Variants in SGSM1 observed in about 807,000 individuals in gnomAD.
SGSM1 encodes RUN and TBC1 domain containing 2.
A neutral mutation model predicts 133.8 loss-of-function variants in SGSM1; 73 were observed. The observed-to-expected ratio is 0.55, with a 90% CI of 0.45 to 0.66. The LOEUF is 0.66. Ranked by LOEUF, SGSM1 falls within the 30% of genes least tolerant of loss-of-function variation. SGSM1 has a pLI of 0.00. For missense variants in SGSM1, 1,213 were observed against 1,448.1 expected (o/e 0.84, Z 2.64); for synonymous variants, 563 against 573.0 (o/e 0.98, Z 0.25).
At position 24,850,168 on chromosome 22, in the gene SGSM1, A is replaced by G. The variant is rs1027003671; in HGVS notation, c.303-112A>G. The G allele has an allele frequency of 5.3e-6, 6 of 1,136,382 alleles. No homozygotes were observed. In the African/African-American group the frequency reaches 7.9e-5, roughly 15 times the overall value. 70.4% of individuals were successfully genotyped at this position (1,136,382 alleles called of 1,614,324 possible). Reference sequence around the variant, plus strand: ...GCGGCAATATGGGCTCTTCTTGTTTAGCTGCCATTCCTTCATTTTCCTGAG... The same window carrying G: ...GCGGCAATATGGGCTCTTCTTGTTTGGCTGCCATTCCTTCATTTTCCTGAG... On this transcript the variant is annotated intron_variant, in intron 4 of 24. Coordinates refer to ENST00000400358, the MANE Select transcript of SGSM1 (RefSeq NM_001098497.3).
At chr22:24,906,290 C>A (rs1223495723) in intron 21 of SGSM1, among the ~76,000 whole-genome samples, 1 of 152,172 alleles carries the variant, frequency 6.6e-6, no homozygotes, top group African/African-American at 2.4e-5. Flanking sequence ...GGAAACCTCA[C>A]AAATATCATC....
At chr22:24,811,572 T>C (rs1927744371) in intron 2 of SGSM1, among the ~76,000 whole-genome samples, 1 of 152,036 alleles carries the variant, frequency 6.6e-6, no homozygotes, top group African/African-American at 2.4e-5. Context: ...TGTAATAACA[T>C]TAGCAATTCC....
At chr22:24,862,351 C>T (rs1245516890) in intron 9 of SGSM1, among the ~76,000 whole-genome samples, 1 of 152,116 alleles carries the variant, frequency 6.6e-6, no homozygotes, top group Non-Finnish European at 1.5e-5. Flanking sequence ...TGGTCTAAAG[C>T]CTTCTTTGAC....
chr22:24,856,175 C>G, intron 8 of SGSM1: 1 of 341,196 alleles, frequency 2.9e-6, no homozygotes, highest in Non-Finnish European at 5.8e-6. Flanking sequence ...TTCCATGGAC[C>G]TGCTATGTGC....
At chr22:24,913,867 A>G (rs1224655635) in intron 22 of SGSM1, among the ~76,000 whole-genome samples, 2 of 151,840 alleles carry the variant, frequency 1.3e-5, no homozygotes, top group Non-Finnish European at 2.9e-5. Context: ...CTAAAAATAC[A>G]AACATTGGCC....
intron 2 of SGSM1, among the ~76,000 whole-genome samples, chr22:24,817,441 C>T (rs1219247261): frequency 1.3e-5 from 2 of 151,992 alleles, no homozygotes; most frequent in Non-Finnish European, 2.9e-5. Context: ...CAACCTCCGC[C>T]TCCTGGGTTC....
chr22:24,845,122 G>C, intron 3 of SGSM1, 150 bp downstream of exon 3: 1 of 718,914 alleles, frequency 1.4e-6, no homozygotes, highest in Non-Finnish European at 2.3e-6. Context: ...ATACAGAACA[G>C]TGTAGAGAAA....
intron 2 of SGSM1, among the ~76,000 whole-genome samples, chr22:24,832,058 G>C (rs1216902299): frequency 6.6e-6 from 1 of 152,208 alleles, no homozygotes; most frequent in Non-Finnish European, 1.5e-5. Flanking sequence ...CTCAGCCCGT[G>C]GCTGTCTTGG....
At chr22:24,857,349 A>G (rs1005697229) in intron 8 of SGSM1, among the ~76,000 whole-genome samples, 1 of 148,972 alleles carries the variant, frequency 6.7e-6, no homozygotes, top group Non-Finnish European at 1.5e-5. Flanking sequence ...TGGAGGCTGC[A>G]GTAAGCCAAG....
At position 24,817,434 on chromosome 22, in the gene SGSM1, C is replaced by G. The variant is rs184019015; in HGVS notation, c.63+10950C>G. Among the ~76,000 whole-genome samples, 613 of 151,850 alleles carry G rather than the reference C, an allele frequency of 4.0e-3. 3 individuals are homozygous for G. The highest frequency in any genetic ancestry group is 0.014 in the African/African-American group (590 of 41,418). On this transcript the variant is annotated intron_variant, in intron 2 of 24. Coordinates refer to ENST00000400358, the MANE Select transcript of SGSM1 (RefSeq NM_001098497.3). ...GTGGCGCCATCTCGGCTCCCTGCAACCTCCGCCTCCTGGGTTCAAGCGATT... is the reference window on the plus strand; with the variant it reads ...GTGGCGCCATCTCGGCTCCCTGCAAGCTCCGCCTCCTGGGTTCAAGCGATT...
intron 2 of SGSM1, among the ~76,000 whole-genome samples, chr22:24,809,287 C>T (rs938086306): frequency 1.1e-4 from 16 of 152,232 alleles, no homozygotes; most frequent in African/African-American, 3.6e-4. Context: ...TCTCCCTCCT[C>T]CCCACTCTCT....
intron 21 of SGSM1, 34 bp from the exon 22 acceptor site, chr22:24,912,609 C>T (rs764133420): frequency 1.1e-5 from 15 of 1,401,716 alleles, no homozygotes; most frequent in East Asian, 2.3e-5. Context: ...ACTTGGGCAG[C>T]GGGGCATCTG....
intron 2 of SGSM1, among the ~76,000 whole-genome samples, chr22:24,820,492 C>T (rs1928405300): frequency 6.6e-6 from 1 of 152,290 alleles, no homozygotes; most frequent in Admixed American, 6.5e-5. Context: ...ATGTTTAGGG[C>T]AGGTTATGCG....
At chr22:24,922,564 C>T (rs1421565660) in intron 24 of SGSM1, among the ~76,000 whole-genome samples, 1 of 151,446 alleles carries the variant, frequency 6.6e-6, no homozygotes, top group Non-Finnish European at 1.5e-5. Context: ...CAAGCTCTGC[C>T]TCCCAGGTTC....
At chr22:24,834,758 CT>C (rs139641) in intron 2 of SGSM1, among the ~76,000 whole-genome samples, 16,046 of 145,992 alleles carry the variant, frequency 0.11, 937 homozygotes, top group Admixed American at 0.16. Flanking sequence ...TCTAAATTTC[CT>C]TTTTTTTTTT....
chr22:24,916,753 A>G (rs1464329637), intron 22 of SGSM1, among the ~76,000 whole-genome samples: 1 of 152,158 alleles, frequency 6.6e-6, no homozygotes, highest in Non-Finnish European at 1.5e-5. Context: ...TTGTATGGAT[A>G]GGCCACTTTT....
At chr22:24,866,680 G>A (rs1225818377) in intron 9 of SGSM1, among the ~76,000 whole-genome samples, 2 of 152,188 alleles carry the variant, frequency 1.3e-5, no homozygotes. Context: ...TCTCCAGACA[G>A]GATGGGGCAT....
chr22:24,884,494 C>T lies in SGSM1; in HGVS notation c.1641+296C>T, dbSNP rs541116554. On this transcript the variant is annotated intron_variant, in intron 15 of 24. Coordinates refer to ENST00000400358, the MANE Select transcript of SGSM1 (RefSeq NM_001098497.3). The stretch of plus-strand genomic sequence containing the variant: ...CAGCTGGGATGGGCACGGTGGCTCA[C>T]GCCTGTAATCCCAGCACTTTGGGAG... Among the ~76,000 whole-genome samples the T allele has an allele frequency of 4.6e-5, 7 of 152,258 alleles. No individual in the cohort carries two copies. The South Asian group carries it at 1.2e-3, about 27-fold the overall frequency.
At chr22:24,871,726 T>C (rs949190491) in intron 12 of SGSM1, among the ~76,000 whole-genome samples, 1 of 152,162 alleles carries the variant, frequency 6.6e-6, no homozygotes, top group African/African-American at 2.4e-5. Flanking sequence ...ATGCACATCG[T>C]TTTGACTGGC....
Sources: allele counts gnomAD v4.1 joint callset (sites outside exome capture counted in the v4.1 genomes callset), GRCh38; gene constraint gnomAD v4.1.1; transcripts MANE v1.5; gene names NCBI Gene and HGNC (gene_info 2026-07-23, HGNC 2026-07-21).